The following SFXN5 variants were observed in gnomAD, a reference collection of about 807,000 sequenced individuals.
The protein encoded by SFXN5 is sideroflexin 5.
Under a neutral mutation model 50.2 loss-of-function variants are expected in SFXN5, and 43 were observed. That is an observed-to-expected ratio of 0.86 (90% confidence interval 0.67 to 1.11). SFXN5 has a LOEUF of 1.11. Among genes scored for constraint, SFXN5 ranks in the 50% least tolerant of loss-of-function variants. The pLI is 0.00. For missense variants in SFXN5, 463 were observed against 454.1 expected, an observed-to-expected ratio of 1.02 and a Z score of -0.18; for synonymous variants, 203 against 185.8, an observed-to-expected ratio of 1.09 and a Z score of -0.75.
chr2:73,058,525 T>C lies in SFXN5; in HGVS notation c.171+3A>G. ...GGCCACTGAGGTGACAGCCATGACT[T>C]ACCTCAGTGACAAAGAGTGTGCGAG... On this transcript the variant is annotated splice_donor_region_variant and intron_variant, in intron 2 of 13. Transcript: ENST00000272433. 6.2e-7 allele frequency: 1 copy of C among 1,613,822 alleles called. No individual in the cohort carries two copies. Among genetic ancestry groups the C allele is most frequent in the East Asian group, 2.2e-5 (1 of 44,882 alleles).
intron 2 of SFXN5, among the ~76,000 whole-genome samples, chr2:73,050,113 CT>C (rs1354472970): frequency 6.6e-6 from 1 of 152,156 alleles, no homozygotes; most frequent in East Asian, 1.9e-4. Flanking sequence ...CCCCCAAGGC[CT>C]TGGACAGCCC....
In SFXN5 at chr2:73,071,660, C is replaced by A. The variant is rs142045996; in HGVS notation, c.46G>T (p.Ala16Ser). 55 of 1,612,782 alleles carry A rather than the reference C, an allele frequency of 3.4e-5. No individual in the cohort carries two copies. The African/African-American group carries it at 7.1e-4, about 21-fold the overall frequency. The change falls in exon 1 of 14, where the codon GCT becomes TCT. Residue 16 changes from alanine to serine, a missense_variant. Physicochemically the swap from Ala to Ser is moderately conservative, Grantham distance 99. Transcript: ENST00000272433. Reference protein sequence around the residue: ...TTASAAAASAASASSDAPPFQ... With the variant: ...TTASAAAASASSASSDAPPFQ... ...GGAGGTGCATCGCTCGAGGCGCTAG[C>A]GGCACTAGCCGCCGCCGCCGATGCT... is the stretch of plus-strand genomic sequence containing the variant.
chr2:72,971,810 T>A (rs1670039203), intron 10 of SFXN5, 125 bp from the exon 11 acceptor site: 1 of 691,104 alleles, frequency 1.4e-6, no homozygotes, highest in Non-Finnish European at 2.5e-6. Context: ...GGGCAAAGGT[T>A]AGGGAAGGGG....
intron 10 of SFXN5, among the ~76,000 whole-genome samples, chr2:72,984,023 G>C (rs1008579941): frequency 1.3e-5 from 2 of 152,208 alleles, no homozygotes; most frequent in African/African-American, 4.8e-5. Context: ...GGCCCGCTCC[G>C]AGCTTGAGCT....
chr2:73,024,902 A>G (rs537711588), intron 3 of SFXN5, among the ~76,000 whole-genome samples: 2 of 152,352 alleles, frequency 1.3e-5, no homozygotes, highest in South Asian at 4.1e-4. Flanking sequence ...ATTAAAGTTT[A>G]TGCATTTTTC....
rs1010157978 is a variant in SFXN5, at chr2:72,971,560, C to A, written c.741+10G>T. On this transcript the variant is annotated intron_variant, in intron 11 of 13. Transcript: ENST00000272433. ...CTGGCCTCCCCAACCCTGCGAACCCCCAGACCCACGTGTCGGGCTGCGATC... is the reference window on the plus strand; with the variant it reads ...CTGGCCTCCCCAACCCTGCGAACCCACAGACCCACGTGTCGGGCTGCGATC... 1.2e-6 allele frequency: 2 copies of A among 1,611,034 alleles called. No homozygotes were observed. Among genetic ancestry groups the A allele is most frequent in the Admixed American group, 3.3e-5 (2 of 59,962 alleles).
At chr2:73,012,850 G>T (rs1675703158) in intron 6 of SFXN5, among the ~76,000 whole-genome samples, 1 of 151,988 alleles carries the variant, frequency 6.6e-6, no homozygotes, top group East Asian at 1.9e-4. Context: ...ACATGCTACA[G>T]GTCTCCTCCT....
At chr2:72,970,003 C>T (rs987386961) in intron 11 of SFXN5, among the ~76,000 whole-genome samples, 2 of 152,116 alleles carry the variant, frequency 1.3e-5, no homozygotes, top group South Asian at 2.1e-4. Context: ...GCTCCAGGAG[C>T]AGCTCACAGC....
intron 6 of SFXN5, among the ~76,000 whole-genome samples, chr2:73,012,737 TAA>T (rs1158015361): frequency 8.1e-5 from 12 of 147,630 alleles, no homozygotes; most frequent in Non-Finnish European, 1.5e-4. Context: ...ATACAGGTGT[TAA>T]GAAAGGCTTT....
intron 5 of SFXN5, among the ~76,000 whole-genome samples, chr2:73,021,351 G>C (rs1676863504): frequency 6.6e-6 from 1 of 152,178 alleles, no homozygotes; most frequent in Non-Finnish European, 1.5e-5. Context: ...AGGTGTGGTA[G>C]TGTGTGCCTG....
intron 7 of SFXN5, among the ~76,000 whole-genome samples, chr2:73,000,730 A>G (rs1207816900): frequency 6.6e-6 from 1 of 151,982 alleles, no homozygotes; most frequent in Non-Finnish European, 1.5e-5. Context: ...GGTCCTGCGC[A>G]CCCCAGTAGT....
chr2:73,020,390 C>A, intron 5 of SFXN5, 126 bp from the exon 6 acceptor site: 1 of 831,332 alleles, frequency 1.2e-6, no homozygotes, highest in South Asian at 1.6e-5. Context: ...GTCAGTTAGG[C>A]GGGAGGCATC....
At chr2:73,021,655 T>C (rs563078768) in intron 5 of SFXN5, among the ~76,000 whole-genome samples, 34 of 152,270 alleles carry the variant, frequency 2.2e-4, no homozygotes, top group African/African-American at 7.9e-4. Context: ...GTGGCGACCC[T>C]GAGGGACCCA....
At position 73,060,677 on chromosome 2, in the gene SFXN5, C is replaced by T. The variant is rs981950417; in HGVS notation, c.103-2081G>A. On this transcript the variant is annotated intron_variant, in intron 1 of 13. Coordinates refer to ENST00000272433, the MANE Select transcript of SFXN5 (RefSeq NM_144579.3). ...TCTCCTGAATATAATTACTACACTG[C>T]GGTTATATAAGAGAATGTCCTTGTT... 2.2e-4 allele frequency among the ~76,000 whole-genome samples: 33 copies of T among 150,240 alleles called. 2 individuals are homozygous for T. The highest frequency in any genetic ancestry group is 6.9e-3 in the Middle Eastern group (2 of 288).
chr2:73,046,076 T>C (rs946116293), intron 2 of SFXN5, among the ~76,000 whole-genome samples: 2 of 130,740 alleles, frequency 1.5e-5, no homozygotes, highest in African/African-American at 3.8e-5. Flanking sequence ...TACCCTCCTC[T>C]TGGAATTTAC....
chr2:72,975,967 A>T (rs1343913412), intron 10 of SFXN5, among the ~76,000 whole-genome samples: 2 of 152,252 alleles, frequency 1.3e-5, no homozygotes, highest in African/African-American at 4.8e-5. Context: ...AAGAGCAAAT[A>T]ATTAGAAACA....
chr2:73,030,553 A>T (rs964116886), intron 3 of SFXN5, among the ~76,000 whole-genome samples: 6 of 152,078 alleles, frequency 3.9e-5, no homozygotes, highest in South Asian at 4.1e-4. Flanking sequence ...CATTAAGTAC[A>T]TTCAAATCGT....
intron 10 of SFXN5, among the ~76,000 whole-genome samples, chr2:72,980,700 C>G (rs1235466550): frequency 2.0e-5 from 3 of 152,144 alleles, no homozygotes; most frequent in African/African-American, 7.2e-5. Context: ...TAAAAAGCCC[C>G]TTTTTATCAC....
chr2:73,012,871 C>T (rs1352452431), intron 6 of SFXN5, among the ~76,000 whole-genome samples: 1 of 151,834 alleles, frequency 6.6e-6, no homozygotes, highest in Non-Finnish European at 1.5e-5. Context: ...ATGTGGGTAG[C>T]GTTAGGTAAG....
Sources: gnomAD v4.1 joint callset for allele counts (sites outside exome capture counted in the v4.1 genomes callset) on GRCh38, gnomAD v4.1.1 for gene constraint, MANE v1.5 for transcripts, NCBI Gene and HGNC (gene_info 2026-07-23, HGNC 2026-07-21) for gene names.